The following NDST1 variants were observed in gnomAD, a reference collection of about 807,000 sequenced individuals.
The protein encoded by NDST1 is N-deacetylase and N-sulfotransferase 1, also known as bifunctional heparan sulfate N-deacetylase/N-sulfotransferase 1.
Under a neutral mutation model 92.8 loss-of-function variants are expected in NDST1, and 35 were observed. The ratio of observed to expected loss-of-function variants is 0.38; its 90% CI spans 0.29 to 0.50. NDST1 has a LOEUF of 0.50. NDST1 is among the 20% of genes least tolerant of loss of function. The probability of loss-of-function intolerance (pLI) is 0.94; values close to 1 mark genes in which losing one functional copy is unlikely to be tolerated. For synonymous variants in NDST1, 493 were observed against 500.3 expected (o/e 0.99, Z 0.19); for missense variants, 822 against 1,182.7 (o/e 0.69, Z 4.47).
chr5:150,553,843 G>T lies in NDST1; in HGVS notation c.*511G>T. ...CCCCGGAGTCAGTCCTAGGCTGGAT[G>T]GGAGGGTGGCCCCCTCAAGAGGACT... On this transcript the variant is annotated 3_prime_UTR_variant, in exon 15 of 15. Transcript: ENST00000261797. This position sits in a 1 kb window ranked among gnomAD's most constrained non-coding sequence, Gnocchi z 4.2. The T allele has an allele frequency of 2.3e-6, 1 of 433,626 alleles. No individual in the cohort carries two copies. Among genetic ancestry groups the T allele is most frequent in the Non-Finnish European group, 4.1e-6 (1 of 244,928 alleles). 26.9% of individuals were successfully genotyped at this position (433,626 alleles called of 1,614,324 possible).
chr5:150,541,430 GGGGT>G (rs539772255), intron 8 of NDST1, 136 bp from the exon 9 acceptor site: 67 of 767,228 alleles, frequency 8.7e-5, no homozygotes, highest in East Asian at 5.9e-4. Flanking sequence ...TCAGTGTCTG[GGGGT>G]GGGGATGTGA....
Position 150,521,408 on chromosome 5 carries a change from C to G in NDST1, c.154C>G (p.Pro52Ala). 2 of 1,613,200 alleles carry G rather than the reference C, an allele frequency of 1.2e-6. No homozygotes were observed. Among genetic ancestry groups the G allele is most frequent in the Non-Finnish European group, 1.7e-6 (2 of 1,179,914 alleles). ...AGGCCTGGAGCCCTCGGCGGATGCC[C>G]CCGAGCCTGACTGCGGGGACCCGCC... is the stretch of plus-strand genomic sequence containing the variant. ...KRGLEPSADA[P>A]EPDCGDPPPV... The change falls in exon 2 of 15, where the codon CCC becomes GCC. Residue 52 changes from proline (P) to alanine (A), a missense_variant. Pro to Ala is a conservative substitution (Grantham distance 27). Coordinates refer to ENST00000261797, the MANE Select transcript of NDST1 (RefSeq NM_001543.5). The surrounding 1 kb of genome is among the most constrained non-coding windows in gnomAD (Gnocchi z 5.9).
At position 150,557,065 on chromosome 5, in the gene NDST1, C is replaced by T. The variant is rs1166895120; in HGVS notation, c.*3733C>T. Reference sequence around the variant, plus strand: ...GTACTTTCAAGGATAATTTAGGCTACATGAGATTTTGCCTTTTGTGCTGAC... The same window carrying T: ...GTACTTTCAAGGATAATTTAGGCTATATGAGATTTTGCCTTTTGTGCTGAC... On this transcript the variant is annotated 3_prime_UTR_variant, in exon 15 of 15. Coordinates refer to ENST00000261797, the MANE Select transcript of NDST1 (RefSeq NM_001543.5). The surrounding 1 kb of genome is among the most constrained non-coding windows in gnomAD (Gnocchi z 4.7). 6.6e-6 allele frequency: 1 copy of T among 152,660 alleles called. No homozygotes were observed. The highest frequency in any genetic ancestry group is 2.4e-5 in the African/African-American group (1 of 41,464). The allele number at this position is 152,660 out of a possible 1,614,324, so 9.5% of individuals were successfully genotyped here.
chr5:150,517,304 A>AT (rs34230800), intron 1 of NDST1, among the ~76,000 whole-genome samples: 17,999 of 139,702 alleles, frequency 0.13, 1,312 homozygotes, highest in Middle Eastern at 0.26. Context: ...CACCTGGCTC[A>AT]TTTTTTTTTT....
At chr5:150,513,377 A>G (rs3095903) in intron 1 of NDST1, among the ~76,000 whole-genome samples, 109,970 of 152,050 alleles carry the variant, frequency 0.72, 40,012 homozygotes, top group African/African-American at 0.78. Context: ...TGTAATCCCC[A>G]CTACTCAGGA....
At chr5:150,530,489 G>A (rs1343046201) in intron 3 of NDST1, among the ~76,000 whole-genome samples, 1 of 151,970 alleles carries the variant, frequency 6.6e-6, no homozygotes, top group Non-Finnish European at 1.5e-5. Flanking sequence ...GAGGAGATCA[G>A]GTTCCTGGGC....
intron 1 of NDST1, among the ~76,000 whole-genome samples, chr5:150,513,289 G>A (rs931297878): frequency 1.3e-5 from 2 of 151,972 alleles, no homozygotes; most frequent in African/African-American, 2.4e-5. Flanking sequence ...TCAGGAGTTC[G>A]AGACCAGCCT....
chr5:150,527,671 C>T (rs1754534687), intron 2 of NDST1, 133 bp from the exon 3 acceptor site: 1 of 1,308,108 alleles, frequency 7.6e-7, no homozygotes, highest in Non-Finnish European at 1.1e-6. Context: ...GAGCGCAGGG[C>T]CAGGGTGGTG....
chr5:150,509,598 C>G (rs376781538), intron 1 of NDST1, among the ~76,000 whole-genome samples: 1 of 152,108 alleles, frequency 6.6e-6, no homozygotes, highest in African/African-American at 2.4e-5. Flanking sequence ...CTGTAATCTC[C>G]GCCTCCCAGG....
intron 14 of NDST1, among the ~76,000 whole-genome samples, chr5:150,552,385 A>G (rs541625185): frequency 3.3e-5 from 5 of 152,182 alleles, no homozygotes; most frequent in Non-Finnish European, 5.9e-5. Flanking sequence ...GTGTAAAACC[A>G]TAGGGGGAAA....
At chr5:150,516,697 G>A (rs568999092) in intron 1 of NDST1, among the ~76,000 whole-genome samples, 11 of 152,170 alleles carry the variant, frequency 7.2e-5, no homozygotes, top group South Asian at 2.1e-4. Flanking sequence ...ACAGAGTCTC[G>A]CTCTATTGCC....
In NDST1 at chr5:150,558,025, A is replaced by G. The variant is rs1485150549; in HGVS notation, c.*4693A>G. 7.8e-6 allele frequency: 1 copy of G among 128,438 alleles called. No homozygotes were observed. The highest frequency in any genetic ancestry group is 2.7e-4 in the East Asian group (1 of 3,658). The allele number at this position is 128,438 out of a possible 1,614,324, so 8.0% of individuals were successfully genotyped here. A position where few individuals can be genotyped will look rare whatever the true frequency, so the allele number is the denominator to read the frequency against. On this transcript the variant is annotated 3_prime_UTR_variant, in exon 15 of 15. Coordinates refer to ENST00000261797, the MANE Select transcript of NDST1 (RefSeq NM_001543.5). ...GCCGACTGGAGAGGGTGGGGGGCAC[A>G]CTGGGGAAGCAGGCAGAGGTTTCCT...
chr5:150,514,982 C>T (rs1425719988), intron 1 of NDST1, among the ~76,000 whole-genome samples: 2 of 152,148 alleles, frequency 1.3e-5, no homozygotes, highest in Non-Finnish European at 2.9e-5. Flanking sequence ...GCTGTGTGTG[C>T]CGGGTGCTGG....
At chr5:150,503,378 G>A (rs746224779), upstream of NDST1, among the ~76,000 whole-genome samples, 8 of 152,192 alleles carry the variant, frequency 5.3e-5, no homozygotes, top group South Asian at 1.0e-3. Context: ...GGAGGTGGAG[G>A]TTGCTTGTGG....
intron 1 of NDST1, among the ~76,000 whole-genome samples, chr5:150,509,530 A>T (rs977499548): frequency 5.9e-5 from 9 of 151,264 alleles, no homozygotes; most frequent in Non-Finnish European, 1.0e-4. Flanking sequence ...CCCTTTCTTT[A>T]TTTTTTTTGA....
intron 8 of NDST1, among the ~76,000 whole-genome samples, chr5:150,540,558 A>G (rs567105531): frequency 1.0e-3 from 156 of 152,304 alleles, no homozygotes; most frequent in Non-Finnish European, 1.9e-3. Flanking sequence ...GTTCACCCCT[A>G]TAATCCCAAT....
At position 150,554,279 on chromosome 5, in the gene NDST1, G is replaced by GTTT; in HGVS notation, c.*956_*958dup. On this transcript the variant is annotated 3_prime_UTR_variant, in exon 15 of 15. Coordinates refer to ENST00000261797, the MANE Select transcript of NDST1 (RefSeq NM_001543.5). ...AGAAGCTAAAATATTTTAATATTTT[G>GTTT]TTTTTTTTTTTCTTGGTGCCAGAGT... is the stretch of plus-strand genomic sequence containing the variant. 1.7e-5 allele frequency: 5 copies of GTTT among 293,134 alleles called. No individual in the cohort carries two copies. The highest frequency in any genetic ancestry group is 3.0e-5 in the Non-Finnish European group (5 of 164,478). 18.2% of individuals were successfully genotyped at this position (293,134 alleles called of 1,614,324 possible). A position where few individuals can be genotyped will look rare whatever the true frequency, so the allele number is the denominator to read the frequency against.
rs1755588350 is a variant in NDST1, at chr5:150,548,522, A to G, written c.2316+134A>G. 4 of 912,554 alleles carry G rather than the reference A, an allele frequency of 4.4e-6. No homozygotes were observed. The South Asian group carries it at 4.6e-5, about 11-fold the overall frequency. 56.5% of individuals were successfully genotyped at this position (912,554 alleles called of 1,614,324 possible). On this transcript the variant is annotated intron_variant, in intron 12 of 14. Coordinates refer to ENST00000261797, the MANE Select transcript of NDST1 (RefSeq NM_001543.5). ...CTTGGAGAGCTAGACCCTTGGGTCTATAAAAAGATTTTATTATTATTATTA... is the reference window on the plus strand; with the variant it reads ...CTTGGAGAGCTAGACCCTTGGGTCTGTAAAAAGATTTTATTATTATTATTA...
At chr5:150,537,841 G>C (rs146142506) in intron 6 of NDST1, among the ~76,000 whole-genome samples, 295 of 152,216 alleles carry the variant, frequency 1.9e-3, no homozygotes, top group African/African-American at 6.9e-3. Flanking sequence ...TGGACACCCA[G>C]CTTTAAAATT....
Sources: gnomAD v4.1 joint callset for allele counts (sites outside exome capture counted in the v4.1 genomes callset) on GRCh38, gnomAD v4.1.1 for gene constraint, Gnocchi (gnomAD v3.1) non-coding constraint, MANE v1.5 for transcripts, NCBI Gene and HGNC (gene_info 2026-07-23, HGNC 2026-07-21) for gene names.